The following CAST variants were observed in gnomAD, a reference collection of about 807,000 sequenced individuals.
CAST encodes the protein calpastatin, also known as MIR583 host.
A neutral mutation model predicts 119.6 loss-of-function variants in CAST; 76 were observed. The observed-to-expected ratio is 0.64, with a 90% CI of 0.53 to 0.77. CAST has a LOEUF of 0.77. Among genes scored for constraint, CAST ranks in the 30% least tolerant of loss-of-function variants. CAST has a pLI of 0.00. For synonymous variants in CAST, 319 were observed against 331.6 expected, an observed-to-expected ratio of 0.96 and a Z score of 0.41; for missense variants, 953 against 946.5, an observed-to-expected ratio of 1.01 and a Z score of -0.09.
the CAST span, among the ~76,000 whole-genome samples, chr5:96,425,053 A>AAAGT: frequency 7.9e-6 from 1 of 127,124 alleles, no homozygotes; most frequent in Non-Finnish European, 1.7e-5. Context: ...AGAAAGAAAG[A>AAAGT]AAGAAAGAAA....
chr5:96,417,717 C>G, the CAST span, among the ~76,000 whole-genome samples: 1 of 152,150 alleles, frequency 6.6e-6, no homozygotes, highest in Non-Finnish European at 1.5e-5. Flanking sequence ...TTTAAAATCC[C>G]TTTGTTACTT....
the CAST span, among the ~76,000 whole-genome samples, chr5:96,068,337 G>A: frequency 2.6e-5 from 4 of 151,976 alleles, no homozygotes; most frequent in South Asian, 4.2e-4. Flanking sequence ...TCTTGTCTAG[G>A]AAAACGGAAT....
chr5:96,356,789 T>G, the CAST span, among the ~76,000 whole-genome samples: 11 of 152,168 alleles, frequency 7.2e-5, no homozygotes, highest in Admixed American at 7.2e-4. Flanking sequence ...TTGTTCTTTT[T>G]GCTTAGGATT....
At chr5:96,281,782 A>G in the CAST span, among the ~76,000 whole-genome samples, 8 of 152,232 alleles carry the variant, frequency 5.3e-5, no homozygotes, top group African/African-American at 1.7e-4. Context: ...GGCCATATGT[A>G]GCTACATTTT....
chr5:96,335,517 A>G, the CAST span, among the ~76,000 whole-genome samples: 1 of 152,100 alleles, frequency 6.6e-6, no homozygotes, highest in Non-Finnish European at 1.5e-5. Flanking sequence ...TGCTGGGGTT[A>G]CCTACCTTTC....
chr5:96,602,163 TG>T (rs1003411526), intron 1 of CAST, among the ~76,000 whole-genome samples: 1 of 152,222 alleles, frequency 6.6e-6, no homozygotes, highest in African/African-American at 2.4e-5. Flanking sequence ...CAAGACACCA[TG>T]GAAGAGCAAA....
At chr5:96,383,493 C>A in the CAST span, among the ~76,000 whole-genome samples, 2 of 152,202 alleles carry the variant, frequency 1.3e-5, no homozygotes, top group African/African-American at 4.8e-5. Flanking sequence ...TGTCGCCAGG[C>A]TGGAGTGCAA....
chr5:96,588,657 G>T (rs575080440), intron 1 of CAST, among the ~76,000 whole-genome samples: 37 of 152,214 alleles, frequency 2.4e-4, no homozygotes, highest in African/African-American at 8.9e-4. Flanking sequence ...TATGATCAGA[G>T]CCCAAGAGAG....
chr5:96,505,295 A>G, the CAST span, among the ~76,000 whole-genome samples: 1 of 152,192 alleles, frequency 6.6e-6, no homozygotes, highest in Non-Finnish European at 1.5e-5. Context: ...CAAAGTTTTT[A>G]GACATAGAAT....
the CAST span, among the ~76,000 whole-genome samples, chr5:96,492,367 T>C: frequency 5.4e-4 from 83 of 152,358 alleles, 1 homozygote; most frequent in Non-Finnish European, 1.2e-4. Context: ...TGTCTCAATA[T>C]ATTAGTCTCT....
At chr5:96,446,633 G>A in the CAST span, among the ~76,000 whole-genome samples, 4 of 152,142 alleles carry the variant, frequency 2.6e-5, no homozygotes, top group Non-Finnish European at 5.9e-5. Context: ...ATCTCACTGT[G>A]GAGATGGAAA....
the CAST span, among the ~76,000 whole-genome samples, chr5:96,076,279 T>C: frequency 6.6e-6 from 1 of 152,358 alleles, no homozygotes; most frequent in Admixed American, 6.5e-5. Flanking sequence ...CAGTGTTTTT[T>C]AGTACCCCTA....
the CAST span, among the ~76,000 whole-genome samples, chr5:96,143,486 G>A: frequency 6.6e-6 from 1 of 152,196 alleles, no homozygotes; most frequent in Non-Finnish European, 1.5e-5. Flanking sequence ...CAGAAGCTGT[G>A]ACCCAGAATT....
At chr5:96,719,587 T>C (rs1220950112) in intron 3 of CAST, among the ~76,000 whole-genome samples, 1 of 152,258 alleles carries the variant, frequency 6.6e-6, no homozygotes, top group Admixed American at 6.5e-5. Context: ...AAATGATTAC[T>C]AATATTTGGG....
chr5:96,105,559 C>G, the CAST span, among the ~76,000 whole-genome samples: 1 of 152,134 alleles, frequency 6.6e-6, no homozygotes, highest in Non-Finnish European at 1.5e-5. Context: ...GTATATTGAA[C>G]CAGCCTTGCA....
chr5:96,541,036 G>A lies in CAST; in HGVS notation c.60+11156G>A, dbSNP rs114259598. Among the ~76,000 whole-genome samples, 514 of 151,584 alleles carry A rather than the reference G, an allele frequency of 3.4e-3. 3 individuals are homozygous for A. The highest frequency in any genetic ancestry group is 0.012 in the African/African-American group (488 of 40,954). On this transcript the variant is annotated intron_variant, in intron 1 of 11. Transcript: ENST00000505143. The stretch of plus-strand genomic sequence containing the variant: ...CCCATGTGCTCTTTGGCAAGAAGTC[G>A]CAATGCACAGAACATCCTAAGGAGT...
At chr5:96,320,944 G>A in the CAST span, among the ~76,000 whole-genome samples, 1 of 152,122 alleles carries the variant, frequency 6.6e-6, no homozygotes, top group African/African-American at 2.4e-5. Flanking sequence ...AAAATAATTG[G>A]TGAGTCGTCG....
chr5:96,626,807 G>T (rs1050124483), intron 1 of CAST, among the ~76,000 whole-genome samples: 1 of 152,088 alleles, frequency 6.6e-6, no homozygotes, highest in Non-Finnish European at 1.5e-5. Flanking sequence ...TCCTTCCATC[G>T]CCGAGGCCTG....
intron 1 of CAST, among the ~76,000 whole-genome samples, chr5:96,649,425 C>T (rs922049242): frequency 1.3e-5 from 2 of 152,174 alleles, no homozygotes; most frequent in African/African-American, 4.8e-5. Flanking sequence ...AATAATGAGA[C>T]AGCCCTGGGA....
Sources: allele counts gnomAD v4.1 joint callset (sites outside exome capture counted in the v4.1 genomes callset), GRCh38; gene constraint gnomAD v4.1.1; transcripts MANE v1.5; gene names NCBI Gene and HGNC (gene_info 2026-07-23, HGNC 2026-07-21).